TDP1: variants seen among roughly 807,000 people sequenced by gnomAD.
The protein encoded by TDP1 is tyr-DNA phosphodiesterase 1.
In TDP1, 64 loss-of-function variants were observed where a neutral mutation model predicts 81.5. That is an observed-to-expected ratio of 0.79 (90% confidence interval 0.64 to 0.97). The LOEUF is 0.97. Ranked by LOEUF, TDP1 falls within the 50% of genes least tolerant of loss-of-function variation. TDP1 has a pLI of 0.00. For missense variants in TDP1, 723 were observed against 743.8 expected (o/e 0.97, Z 0.33); for synonymous variants, 256 against 264.3 (o/e 0.97, Z 0.30).
chr14:90,034,618 T>C (rs1351563899), intron 16 of TDP1, among the ~76,000 whole-genome samples: 3 of 152,192 alleles, frequency 2.0e-5, no homozygotes, highest in African/African-American at 7.2e-5. Flanking sequence ...GGATGAGATA[T>C]ATAATCAAGA....
chr14:89,976,884 T>C (rs1318283121), intron 7 of TDP1, among the ~76,000 whole-genome samples: 1 of 152,138 alleles, frequency 6.6e-6, no homozygotes, highest in Non-Finnish European at 1.5e-5. Flanking sequence ...CTGGGCGCTG[T>C]GGCTCATGCC....
intron 15 of TDP1, among the ~76,000 whole-genome samples, chr14:90,026,052 A>T (rs1263960338): frequency 6.6e-6 from 1 of 152,226 alleles, no homozygotes; most frequent in African/African-American, 2.4e-5. Flanking sequence ...CCCCAGGGTC[A>T]CTTGGTCCTG....
chr14:89,992,193 G>C lies in TDP1; in HGVS notation c.1433+210G>C, dbSNP rs538678006. ...ATACCAAAGAGGAAAATTTATTGCT[G>C]TGAGGTTTCTATTTAAATATTGGCA... On this transcript the variant is annotated intron_variant, in intron 13 of 16. Coordinates refer to ENST00000335725, the MANE Select transcript of TDP1 (RefSeq NM_018319.4). Among the ~76,000 whole-genome samples the C allele has an allele frequency of 3.3e-5, 5 of 152,272 alleles. No individual in the cohort carries two copies. In the South Asian group the frequency reaches 1.0e-3, roughly 32 times the overall value.
chr14:90,011,644 C>T (rs1884720250), intron 14 of TDP1, among the ~76,000 whole-genome samples: 1 of 152,178 alleles, frequency 6.6e-6, no homozygotes, highest in African/African-American at 2.4e-5. Context: ...TTGCCCCTGC[C>T]ATAGAGATCT....
At chr14:90,019,212 T>A in intron 14 of TDP1, 104 bp from the exon 15 acceptor site, 2 of 1,294,378 alleles carry the variant, frequency 1.5e-6, no homozygotes, top group Non-Finnish European at 2.2e-6. Context: ...TGAATGTGAT[T>A]GCAGCTATAT....
chr14:90,043,740 G>T lies in TDP1; in HGVS notation c.*597G>T. The T allele has an allele frequency of 6.4e-6, 1 of 156,892 alleles. No homozygotes were observed. The highest frequency in any genetic ancestry group is 1.4e-5 in the Non-Finnish European group (1 of 73,344). The allele number at this position is 156,892 out of a possible 1,614,324, so 9.7% of individuals were successfully genotyped here. On this transcript the variant is annotated 3_prime_UTR_variant, in exon 17 of 17. Transcript: ENST00000335725. ...TGGAGCAGTTCAGATTTTCAGATTA[G>T]GGATGCTCAAATCTATATAGATATA... is the stretch of plus-strand genomic sequence containing the variant.
chr14:89,992,448 T>C (rs1343216384), intron 13 of TDP1, among the ~76,000 whole-genome samples: 4 of 152,156 alleles, frequency 2.6e-5, no homozygotes, highest in African/African-American at 9.7e-5. Context: ...GTGAAGGGAA[T>C]GTCCTTCACC....
At chr14:89,978,097 C>T (rs534435604) in intron 7 of TDP1, among the ~76,000 whole-genome samples, 1 of 152,262 alleles carries the variant, frequency 6.6e-6, no homozygotes, top group East Asian at 1.9e-4. Context: ...GTAGTCAGGC[C>T]CCCACCATGC....
At chr14:89,982,620 A>C (rs887112726) in intron 8 of TDP1, among the ~76,000 whole-genome samples, 1 of 152,160 alleles carries the variant, frequency 6.6e-6, no homozygotes, top group Admixed American at 6.5e-5. Context: ...AGGAGGGAAG[A>C]GGCAGGGATA....
chr14:90,020,354 T>TCCCCCCTCCCTCCCTCCCTG (rs1885831396), intron 15 of TDP1, among the ~76,000 whole-genome samples: 1 of 128,324 alleles, frequency 7.8e-6, no homozygotes, highest in Non-Finnish European at 1.5e-5. Context: ...CTTCCTCCCT[T>TCCCCCCTCCCTCCCTCCCTG]CCTCCCTCCC....
At chr14:89,978,934 T>G (rs953846660) in intron 7 of TDP1, among the ~76,000 whole-genome samples, 2 of 151,516 alleles carry the variant, frequency 1.3e-5, no homozygotes, top group African/African-American at 4.9e-5. Flanking sequence ...GAGCTAAATA[T>G]CTCATTCTCT....
intron 4 of TDP1, 31 bp downstream of exon 4, chr14:89,966,221 G>A: frequency 6.7e-7 from 1 of 1,487,378 alleles, no homozygotes; most frequent in Non-Finnish European, 9.4e-7. Flanking sequence ...TTTTTTCTTT[G>A]GGTGAAAGTA....
In TDP1 at chr14:90,044,708, G is replaced by A. The variant is rs1888654243; in HGVS notation, c.*1565G>A. ...TTCTGTAAAGGACATTATCTGGGGT[G>A]TTGTATGTATTTTTGTGTGTTCTGC... On this transcript the variant is annotated 3_prime_UTR_variant, in exon 17 of 17. Coordinates refer to ENST00000335725, the MANE Select transcript of TDP1 (RefSeq NM_018319.4). 6.6e-6 allele frequency: 1 copy of A among 152,156 alleles called. No homozygotes were observed. The highest frequency in any genetic ancestry group is 1.5e-5 in the Non-Finnish European group (1 of 68,020). 9.4% of individuals were successfully genotyped at this position (152,156 alleles called of 1,614,324 possible).
chr14:89,988,375 G>A (rs1382429396), intron 10 of TDP1: 7 of 154,382 alleles, frequency 4.5e-5, no homozygotes, highest in Admixed American at 2.6e-4. Context: ...TTCTAATCAT[G>A]CCTTGGTCTT....
At chr14:90,004,888 G>A (rs557412149) in intron 14 of TDP1, among the ~76,000 whole-genome samples, 52 of 152,172 alleles carry the variant, frequency 3.4e-4, no homozygotes, top group Non-Finnish European at 6.8e-4. Flanking sequence ...ACAGCCCCAA[G>A]GAGGCTGCCC....
chr14:89,980,568 G>A lies in TDP1; in HGVS notation c.820G>A (p.Gly274Ser). 6.2e-7 allele frequency: 1 copy of A among 1,614,112 alleles called. No individual in the cohort carries two copies. Among genetic ancestry groups the A allele is most frequent in the Non-Finnish European group, 8.5e-7 (1 of 1,180,008 alleles). The change falls in exon 8 of 17, where the codon GGC becomes AGC. Residue 274 changes from glycine to serine, a missense_variant. Physicochemically the swap from Gly to Ser is moderately conservative, Grantham distance 56. Transcript: ENST00000335725. ...TKMMLLLYEEGLRVVIHTSNL... is the reference protein window; with the variant it reads ...TKMMLLLYEESLRVVIHTSNL... ...AATGATGCTGCTGCTCTATGAAGAA[G>A]GCCTCCGGGTTGTCATACACACCTC...
chr14:89,980,404 A>G, intron 7 of TDP1, 136 bp from the exon 8 acceptor site: 1 of 1,413,098 alleles, frequency 7.1e-7, no homozygotes, highest in South Asian at 1.2e-5. Context: ...ATAGAAGGGA[A>G]GATTATAAAT....
intron 16 of TDP1, among the ~76,000 whole-genome samples, chr14:90,039,587 C>T (rs1486536873): frequency 2.0e-5 from 3 of 151,728 alleles, no homozygotes; most frequent in Admixed American, 6.6e-5. Flanking sequence ...GTCCTTAACC[C>T]GTGGCCATTT....
chr14:90,040,458 T>C (rs1356913448), intron 16 of TDP1, among the ~76,000 whole-genome samples: 1 of 152,218 alleles, frequency 6.6e-6, no homozygotes, highest in Non-Finnish European at 1.5e-5. Context: ...GCGTTTCTCA[T>C]GTCAGCCAGG....
Sources: gnomAD v4.1 joint callset for allele counts (sites outside exome capture counted in the v4.1 genomes callset) on GRCh38, gnomAD v4.1.1 for gene constraint, MANE v1.5 for transcripts, NCBI Gene and HGNC (gene_info 2026-07-23, HGNC 2026-07-21) for gene names.